IFT80: variants seen among roughly 807,000 people sequenced by gnomAD.
The protein encoded by IFT80 is intraflagellar transport protein 80 homolog.
In IFT80, 79 loss-of-function variants were observed where a neutral mutation model predicts 107.9. The ratio of observed to expected loss-of-function variants is 0.73; its 90% confidence interval spans 0.61 to 0.88. The LOEUF (loss-of-function observed/expected upper bound fraction) is 0.88, where lower values mean the gene tolerates loss of function less well. Among genes scored for constraint, IFT80 ranks in the 40% least tolerant of loss-of-function variants. The pLI, the probability that IFT80 is intolerant of heterozygous loss-of-function variation, is 0.00. For synonymous variants in IFT80, 299 were observed against 300.9 expected, an observed-to-expected ratio of 0.99 and a Z score of 0.07; for missense variants, 797 against 914.2, an observed-to-expected ratio of 0.87 and a Z score of 1.65.
At chr3:160,304,604 T>G (rs1258748609) in intron 10 of IFT80, among the ~76,000 whole-genome samples, 1 of 151,750 alleles carries the variant, frequency 6.6e-6, no homozygotes, top group Non-Finnish European at 1.5e-5. Flanking sequence ...CCCGGCTAAT[T>G]TTTTGTATTT....
chr3:160,390,247 G>A (rs945989958), intron 1 of IFT80, among the ~76,000 whole-genome samples: 3 of 151,862 alleles, frequency 2.0e-5, no homozygotes, highest in African/African-American at 7.3e-5. Context: ...CAGAAACCCT[G>A]TCTCTACTAA....
rs150192302 is a variant in IFT80 at position 160,335,370 on chromosome 3, C to T, written c.778-15431G>A. 5.3e-5 allele frequency among the ~76,000 whole-genome samples: 8 copies of T among 151,946 alleles called. No individual in the cohort carries two copies. The East Asian group carries it at 9.7e-4, about 18-fold the overall frequency. ...CCGAGTAGCTGGGACTACAGGCACC[C>T]GTCAGCACACCTGGCTAATTTTTGT... On this transcript the variant is annotated intron_variant, in intron 8 of 19. Transcript: ENST00000326448.
At chr3:160,285,694 T>C in intron 13 of IFT80, 110 bp downstream of exon 13, 1 of 794,932 alleles carries the variant, frequency 1.3e-6, no homozygotes, top group Non-Finnish European at 2.1e-6. Context: ...ACATTGATTT[T>C]AAATAAAAAA....
chr3:160,330,573 G>C (rs781292711), intron 8 of IFT80, among the ~76,000 whole-genome samples: 2 of 151,834 alleles, frequency 1.3e-5, no homozygotes, highest in African/African-American at 4.8e-5. Context: ...GTGTGCATCA[G>C]AGTTACCTAG....
intron 5 of IFT80, among the ~76,000 whole-genome samples, chr3:160,370,358 A>AG (rs1366701421): frequency 6.6e-6 from 1 of 151,506 alleles, no homozygotes. Flanking sequence ...TGTATTGTTC[A>AG]TAGTAGTAGC....
chr3:160,315,853 T>G (rs1576798194), intron 9 of IFT80, among the ~76,000 whole-genome samples: 1 of 152,052 alleles, frequency 6.6e-6, no homozygotes, highest in East Asian at 1.9e-4. Flanking sequence ...AGGGGATGGG[T>G]TTGTTTTCAA....
chr3:160,347,422 C>A (rs1720369203), intron 8 of IFT80, among the ~76,000 whole-genome samples: 1 of 152,082 alleles, frequency 6.6e-6, no homozygotes, highest in African/African-American at 2.4e-5. Flanking sequence ...CTGCCTATTC[C>A]ACCATTTTCT....
chr3:160,325,672 A>G (rs1204825846), intron 8 of IFT80, among the ~76,000 whole-genome samples: 3 of 152,130 alleles, frequency 2.0e-5, no homozygotes, highest in African/African-American at 7.2e-5. Flanking sequence ...ACATAAAAAG[A>G]TATCTTGAGA....
In IFT80 at chr3:160,282,581, T is replaced by G. The variant is rs891175325; in HGVS notation, c.1413A>C (p.Lys471Asn). 3.8e-6 allele frequency: 6 copies of G among 1,588,664 alleles called. No individual in the cohort carries two copies. The African/African-American group carries it at 8.1e-5, about 21-fold the overall frequency. The part of the protein sequence containing the change: ...NEILEIALDQ[K>N]GLTNDRKIAF... ...CAATTTTTCTATCATTGGTAAGTCC[T>G]TTTTGATCCAGAGCAATTTCCAAGA... The change falls in exon 14 of 20, where the codon AAA (lysine) becomes AAC (asparagine). Residue 471 changes from lysine to asparagine, a missense_variant. Coordinates refer to ENST00000326448, the MANE Select transcript of IFT80 (RefSeq NM_020800.3).
intron 3 of IFT80, among the ~76,000 whole-genome samples, chr3:160,380,958 G>A (rs1402192722): frequency 1.3e-5 from 2 of 151,908 alleles, no homozygotes; most frequent in African/African-American, 4.8e-5. Context: ...AAGCCAGCTG[G>A]GCATGGTGGC....
chr3:160,268,436 G>A lies in IFT80; in HGVS notation c.2200C>T (p.Arg734Ter), dbSNP rs375941259. ...ETFGKQETNK[R>*]YLHYAEGLQI... is the part of the protein sequence containing the mutation. ...ACACCTTCTGCATAATGCAAGTATC[G>A]TTTATTAGTTTCCTGTTTACCAAAT... The change falls in exon 19 of 20, where the codon CGA becomes TGA. Residue 734 changes from arginine to a stop codon, truncating the protein, a stop_gained. Transcript: ENST00000326448. LOFTEE classifies it high-confidence loss of function. 1.9e-5 allele frequency: 31 copies of A among 1,612,680 alleles called. No individual in the cohort carries two copies. Among genetic ancestry groups the A allele is most frequent in the African/African-American group, 4.0e-5 (3 of 74,876 alleles).
intron 14 of IFT80, among the ~76,000 whole-genome samples, chr3:160,281,133 T>A (rs1033771594): frequency 1.3e-5 from 2 of 152,146 alleles, no homozygotes; most frequent in Non-Finnish European, 2.9e-5. Context: ...TGATCCTCAG[T>A]GAGGAATACC....
chr3:160,329,804 G>T (rs1490598031), intron 8 of IFT80, among the ~76,000 whole-genome samples: 1 of 150,892 alleles, frequency 6.6e-6, no homozygotes, highest in African/African-American at 2.4e-5. Flanking sequence ...TGTAAAGTTT[G>T]TATTAAATAA....
intron 12 of IFT80, among the ~76,000 whole-genome samples, chr3:160,300,095 T>C (rs1186619667): frequency 6.6e-6 from 1 of 152,162 alleles, no homozygotes; most frequent in Non-Finnish European, 1.5e-5. Context: ...TGCACTTGAT[T>C]GTCTGTCATT....
chr3:160,286,955 GA>G (rs1344746644), intron 12 of IFT80, among the ~76,000 whole-genome samples: 2 of 152,098 alleles, frequency 1.3e-5, no homozygotes, highest in African/African-American at 2.4e-5. Flanking sequence ...GATAGGGGCT[GA>G]TAATCAGATC....
At chr3:160,313,954 G>C (rs985569581) in intron 9 of IFT80, among the ~76,000 whole-genome samples, 14 of 152,010 alleles carry the variant, frequency 9.2e-5, no homozygotes, top group Non-Finnish European at 1.5e-4. Context: ...TCAACTCAGG[G>C]CAGCTCCAGG....
At chr3:160,318,410 G>C (rs562598140) in intron 9 of IFT80, among the ~76,000 whole-genome samples, 34 of 152,008 alleles carry the variant, frequency 2.2e-4, no homozygotes, top group Non-Finnish European at 4.6e-4. Context: ...ACTGAAGATA[G>C]AGGCAATTGA....
intron 2 of IFT80, chr3:160,383,856 T>A: frequency 6.1e-6 from 6 of 985,402 alleles, no homozygotes; most frequent in Non-Finnish European, 7.2e-6. Flanking sequence ...TTTCCCCAAC[T>A]TGTCCTTCAC....
chr3:160,380,697 C>A (rs1208348318), intron 3 of IFT80, among the ~76,000 whole-genome samples: 1 of 149,830 alleles, frequency 6.7e-6, no homozygotes, highest in Admixed American at 6.6e-5. Context: ...AAAACATACC[C>A]TTAAAAAGTG....
Sources: gnomAD v4.1 joint callset for allele counts (sites outside exome capture counted in the v4.1 genomes callset) on GRCh38, gnomAD v4.1.1 for gene constraint, MANE v1.5 for transcripts, NCBI Gene and HGNC (gene_info 2026-07-23, HGNC 2026-07-21) for gene names.